The following MREG variants were observed in gnomAD, a reference collection of about 807,000 sequenced individuals.
MREG encodes the protein dilute suppressor protein homolog.
In MREG, 31 loss-of-function variants were observed where a neutral mutation model predicts 28.5. That is an observed-to-expected ratio of 1.09 (90% CI 0.82 to 1.47). The LOEUF is 1.47. Ranked by LOEUF, MREG falls within the 40% of genes most tolerant of loss-of-function variation. MREG has a pLI of 0.00. For missense variants in MREG, 256 were observed against 257.4 expected (o/e 0.99, Z 0.04); for synonymous variants, 106 against 95.2 (o/e 1.11, Z -0.66).
chr2:216,015,128 T>C (rs1043673052), upstream of MREG, among the ~76,000 whole-genome samples: 19 of 152,036 alleles, frequency 1.2e-4, no homozygotes, highest in African/African-American at 3.9e-4. Flanking sequence ...CGCGTGTGTG[T>C]GCGCGCGTGC....
chr2:215,965,364 G>C (rs1029169055), intron 2 of MREG, among the ~76,000 whole-genome samples: 15 of 152,208 alleles, frequency 9.9e-5, no homozygotes, highest in African/African-American at 3.6e-4. Flanking sequence ...GGAGAAGGCA[G>C]ACAGGGAGCA....
At chr2:216,028,405 G>A (rs1259959414) in intron 1 of MREG, among the ~76,000 whole-genome samples, 1 of 151,896 alleles carries the variant, frequency 6.6e-6, no homozygotes, top group Non-Finnish European at 1.5e-5. Flanking sequence ...GCGGGCACCT[G>A]TAGTCCCAGC....
At chr2:215,990,325 C>T (rs1022205854) in intron 2 of MREG, among the ~76,000 whole-genome samples, 2 of 152,112 alleles carry the variant, frequency 1.3e-5, no homozygotes, top group Non-Finnish European at 2.9e-5. Context: ...GAAATACAAC[C>T]CTGTACAGAC....
chr2:215,984,380 A>C (rs1392806778), intron 2 of MREG, among the ~76,000 whole-genome samples: 1 of 152,080 alleles, frequency 6.6e-6, no homozygotes, highest in East Asian at 1.9e-4. Flanking sequence ...GCAGCCAGTC[A>C]CAATGGCTCA....
chr2:215,996,543 A>G, intron 1 of MREG, 78 bp from the exon 2 acceptor site: 2 of 1,038,734 alleles, frequency 1.9e-6, no homozygotes, highest in South Asian at 1.6e-5. Flanking sequence ...GCAACATACA[A>G]TATCAATTAA....
downstream of MREG, among the ~76,000 whole-genome samples, chr2:215,942,578 T>C (rs1692212141): frequency 1.3e-5 from 2 of 152,192 alleles, no homozygotes; most frequent in South Asian, 2.1e-4. Flanking sequence ...ATAACACACA[T>C]CCAGCTGAAA....
chr2:215,989,093 G>A (rs1693656372), intron 2 of MREG, among the ~76,000 whole-genome samples: 1 of 152,142 alleles, frequency 6.6e-6, no homozygotes, highest in South Asian at 2.1e-4. Context: ...TATGCCTCCT[G>A]ACCAGGAGAC....
At chr2:215,990,902 C>T (rs1404891254) in intron 2 of MREG, among the ~76,000 whole-genome samples, 2 of 152,042 alleles carry the variant, frequency 1.3e-5, no homozygotes, top group Non-Finnish European at 1.5e-5. Flanking sequence ...AAGCAAATTC[C>T]TAGAAACATA....
chr2:215,961,960 G>A (rs1190144628), intron 2 of MREG, among the ~76,000 whole-genome samples: 3 of 152,110 alleles, frequency 2.0e-5, no homozygotes, highest in African/African-American at 4.8e-5. Context: ...ATCACACCTT[G>A]GAGTTACTGC....
At chr2:216,005,898 T>C (rs142821845) in intron 1 of MREG, among the ~76,000 whole-genome samples, 81 of 145,858 alleles carry the variant, frequency 5.6e-4, no homozygotes, top group African/African-American at 2.0e-3. Context: ...TGTCAAACAG[T>C]TCAGGGGTTC....
chr2:216,003,373 C>CAAA (rs1694069458), intron 1 of MREG, among the ~76,000 whole-genome samples: 1 of 152,176 alleles, frequency 6.6e-6, no homozygotes, highest in African/African-American at 2.4e-5. Context: ...GCCCTGCTTT[C>CAAA]AAGGCTCGAA....
chr2:215,954,008 G>C lies in MREG; in HGVS notation c.256-6895C>G, dbSNP rs558691363. Among the ~76,000 whole-genome samples the C allele has an allele frequency of 1.2e-4, 18 of 152,340 alleles. No individual in the cohort carries two copies. In the South Asian group the frequency reaches 3.7e-3, roughly 32 times the overall value. ...AGATCCCAATCTTTCTGTCCCAGAA[G>C]TGTCTTAGGCAATGACACAGATATA... On this transcript the variant is annotated intron_variant, in intron 2 of 4. Coordinates refer to ENST00000263268, the MANE Select transcript of MREG (RefSeq NM_018000.3).
intron 2 of MREG, among the ~76,000 whole-genome samples, chr2:215,981,116 A>C (rs930309126): frequency 6.6e-6 from 1 of 152,188 alleles, no homozygotes; most frequent in Non-Finnish European, 1.5e-5. Context: ...ATAACTCATT[A>C]AATAAATTAC....
At chr2:215,980,424 C>G (rs1297533855) in intron 2 of MREG, among the ~76,000 whole-genome samples, 2 of 152,198 alleles carry the variant, frequency 1.3e-5, no homozygotes, top group African/African-American at 4.8e-5. Flanking sequence ...AAAAGCTCCC[C>G]AGTCTCCTGT....
At chr2:215,981,956 C>T (rs1693437833) in intron 2 of MREG, among the ~76,000 whole-genome samples, 2 of 152,198 alleles carry the variant, frequency 1.3e-5, no homozygotes, top group South Asian at 4.1e-4. Flanking sequence ...CGCTGGCCTA[C>T]ATCAGGTTTG....
At chr2:215,951,489 T>G in intron 2 of MREG, among the ~76,000 whole-genome samples, 1 of 152,386 alleles carries the variant, frequency 6.6e-6, no homozygotes, top group South Asian at 2.1e-4. Flanking sequence ...TCTAAAGTAA[T>G]ATTTTATTTG....
chr2:215,945,463 C>T, intron 4 of MREG, 108 bp downstream of exon 4: 1 of 1,324,466 alleles, frequency 7.6e-7, no homozygotes, highest in Non-Finnish European at 1.0e-6. Context: ...TCTGCCACCT[C>T]ATATGTGATA....
intron 2 of MREG, among the ~76,000 whole-genome samples, chr2:215,987,378 C>T (rs187834059): frequency 1.3e-5 from 2 of 151,844 alleles, no homozygotes; most frequent in Admixed American, 1.3e-4. Context: ...TCCTGAGTAG[C>T]TGGAATTACA....
chr2:216,021,133 T>C (rs1248284369), intron 1 of MREG, among the ~76,000 whole-genome samples: 2 of 152,160 alleles, frequency 1.3e-5, no homozygotes, highest in Admixed American at 6.5e-5. Flanking sequence ...GAATCCATGT[T>C]TTTAGTATTT....
Sources: allele counts gnomAD v4.1 joint callset (sites outside exome capture counted in the v4.1 genomes callset), GRCh38; gene constraint gnomAD v4.1.1; transcripts MANE v1.5; gene names NCBI Gene and HGNC (gene_info 2026-07-23, HGNC 2026-07-21).